DHRS4L2: variants seen among roughly 807,000 people sequenced by gnomAD.
DHRS4L2 encodes the protein dehydrogenase/reductase SDR family member 4-like 2.
Under a neutral mutation model 23.9 loss-of-function variants are expected in DHRS4L2, and 22 were observed. The ratio of observed to expected loss-of-function variants is 0.92; its 90% CI spans 0.66 to 1.31. The LOEUF (loss-of-function observed/expected upper bound fraction) is 1.31. Among genes scored for constraint, DHRS4L2 ranks in the 40% most tolerant of loss-of-function variants. The pLI, the probability that DHRS4L2 is intolerant of heterozygous loss-of-function variation, is 0.00. For synonymous variants in DHRS4L2, 141 were observed against 123.7 expected (o/e 1.14, Z -0.93); for missense variants, 385 against 303.3 (o/e 1.27, Z -2.00).
chr14:23,997,930 G>C lies in DHRS4L2; in HGVS notation c.408+2797G>C, dbSNP rs945195557. ...CAGTTAACTTTGCCAACATCCATCAGAGGAATCACTATCCATGGCAGCTAT... is the reference window on the plus strand; with the variant it reads ...CAGTTAACTTTGCCAACATCCATCACAGGAATCACTATCCATGGCAGCTAT... On this transcript the variant is annotated intron_variant, in intron 3 of 7. Transcript: ENST00000335125. Among the ~76,000 whole-genome samples the C allele has an allele frequency of 3.3e-5, 5 of 151,746 alleles. 1 individual carries two copies. Among genetic ancestry groups the C allele is most frequent in the African/African-American group, 4.8e-5 (2 of 41,408 alleles).
chr14:23,994,855 C>T (rs2034346294), intron 2 of DHRS4L2, among the ~76,000 whole-genome samples, 177 bp from the exon 3 acceptor site: 1 of 151,684 alleles, frequency 6.6e-6, no homozygotes. Context: ...CGCTGCATGG[C>T]CCAGGCTTCT....
chr14:23,976,685 C>T (rs1345515548), intron 1 of DHRS4L2, among the ~76,000 whole-genome samples: 2 of 151,714 alleles, frequency 1.3e-5, no homozygotes, highest in Non-Finnish European at 2.9e-5. Context: ...TTCACAATAG[C>T]AAAAACTTGG....
upstream of DHRS4L2, among the ~76,000 whole-genome samples, chr14:23,984,587 G>A (rs1329769622): frequency 1.3e-5 from 2 of 151,298 alleles, no homozygotes; most frequent in East Asian, 3.9e-4. Context: ...ACTAGGTCAA[G>A]AGATGGAAAC....
At chr14:23,997,729 T>C (rs1191144527) in intron 3 of DHRS4L2, among the ~76,000 whole-genome samples, 1 of 151,046 alleles carries the variant, frequency 6.6e-6, no homozygotes, top group East Asian at 1.9e-4. Flanking sequence ...TCTTGCTATT[T>C]CCACCACATC....
At chr14:23,993,300 T>C (rs2034306282) in intron 2 of DHRS4L2, among the ~76,000 whole-genome samples, 1 of 151,716 alleles carries the variant, frequency 6.6e-6, no homozygotes, top group Non-Finnish European at 1.5e-5. Context: ...TTAATACCGA[T>C]TTTAAAAGAT....
rs537809342 is a variant in DHRS4L2 at position 24,005,843 on chromosome 14, C to G, written c.*23-43C>G. 3.9e-5 allele frequency: 63 copies of G among 1,608,896 alleles called. No homozygotes were observed. In the Middle Eastern group the frequency reaches 5.0e-4, roughly 13 times the overall value. On this transcript the variant is annotated intron_variant, in intron 7 of 7. Coordinates refer to ENST00000335125, the MANE Select transcript of DHRS4L2 (RefSeq NM_198083.4). ...CGTGTCCCAGGTGAGGGAGGCAGAC[C>G]CGTTTGATTTTTACCTCCTTCCTTG...
intron 1 of DHRS4L2, among the ~76,000 whole-genome samples, chr14:23,973,674 G>C (rs2759424): frequency 1.3e-5 from 2 of 151,570 alleles, no homozygotes; most frequent in Non-Finnish European, 2.9e-5. Context: ...ATAATGGTAA[G>C]GGGATCAGTT....
At chr14:23,972,221 G>A (rs1288950708) in intron 1 of DHRS4L2, among the ~76,000 whole-genome samples, 1 of 152,032 alleles carries the variant, frequency 6.6e-6, no homozygotes, top group Non-Finnish European at 1.5e-5. Flanking sequence ...CAGCGTGTCT[G>A]GAGTTTGTTC....
At chr14:23,999,358 A>AC (rs1411189514) in intron 3 of DHRS4L2, among the ~76,000 whole-genome samples, 5 of 142,164 alleles carry the variant, frequency 3.5e-5, no homozygotes, top group Non-Finnish European at 7.6e-5. Context: ...AAAAAAAAAA[A>AC]AAAAAAAAAA....
rs199947613 is a variant in DHRS4L2, at chr14:23,974,189, T to A, written c.-176+3857T>A. On this transcript the variant is annotated intron_variant, in intron 1 of 5. Transcript: ENST00000534993. ...ACTGAAGGCAGAAATAAACATGGTCTTTGAAACCAATGAGAACAAAGACAC... is the reference window on the plus strand; with the variant it reads ...ACTGAAGGCAGAAATAAACATGGTCATTGAAACCAATGAGAACAAAGACAC... 2.0e-4 allele frequency among the ~76,000 whole-genome samples: 31 copies of A among 151,814 alleles called. 2 individuals carry two copies. The highest frequency in any genetic ancestry group is 3.1e-4 in the Non-Finnish European group (21 of 67,940).
At chr14:23,989,304 C>A (rs538296881) in intron 1 of DHRS4L2, among the ~76,000 whole-genome samples, 2 of 151,826 alleles carry the variant, frequency 1.3e-5, no homozygotes, top group African/African-American at 4.8e-5. Flanking sequence ...CACCTCTGTG[C>A]AGCCCCATCG....
upstream of DHRS4L2, among the ~76,000 whole-genome samples, chr14:23,986,617 CA>C (rs2034147758): frequency 6.6e-6 from 1 of 151,630 alleles, no homozygotes; most frequent in African/African-American, 2.4e-5. Context: ...TCCCAAGCCA[CA>C]ATTCTCTTTT....
At chr14:24,001,596 G>A in intron 6 of DHRS4L2, 79 bp downstream of exon 6, 2 of 1,556,720 alleles carry the variant, frequency 1.3e-6, no homozygotes, top group Non-Finnish European at 8.6e-7. Flanking sequence ...CCCACTACCT[G>A]AGTCCTGAGC....
chr14:23,999,011 A>C (rs1389359283), intron 3 of DHRS4L2, among the ~76,000 whole-genome samples: 2 of 149,668 alleles, frequency 1.3e-5, no homozygotes, highest in Non-Finnish European at 3.0e-5. Flanking sequence ...TTGTAGGGTT[A>C]ATAGTTGGCC....
intron 2 of DHRS4L2, among the ~76,000 whole-genome samples, chr14:23,992,269 G>A (rs1175814324): frequency 3.3e-5 from 5 of 151,468 alleles, no homozygotes; most frequent in Non-Finnish European, 7.4e-5. Flanking sequence ...GTGGCGGCGG[G>A]ACTGGAATAG....
At chr14:23,994,827 A>T (rs549730330) in intron 2 of DHRS4L2, among the ~76,000 whole-genome samples, 4 of 151,740 alleles carry the variant, frequency 2.6e-5, no homozygotes, top group Admixed American at 6.6e-5. Flanking sequence ...TGTTGTTTTT[A>T]ATATAAAGAT....
intron 1 of DHRS4L2, among the ~76,000 whole-genome samples, chr14:23,981,716 G>A (rs1338871119): frequency 1.3e-5 from 2 of 151,878 alleles, no homozygotes; most frequent in Middle Eastern, 3.4e-3. Context: ...TGCAGCAGAA[G>A]AGCAGGGTGA....
rs777644237 is a variant in DHRS4L2 at position 23,990,111 on chromosome 14, C to T, written c.129-71C>T. 1.1e-5 allele frequency: 18 copies of T among 1,591,590 alleles called. No homozygotes were observed. In the East Asian group the frequency reaches 1.6e-4, roughly 14 times the overall value. Reference sequence around the variant, plus strand: ...AGAATTCAAACCCGGGCAGTCTTAACTTCAGAGCCCATGCTGTCGACCTCT... The same window carrying T: ...AGAATTCAAACCCGGGCAGTCTTAATTTCAGAGCCCATGCTGTCGACCTCT... On this transcript the variant is annotated intron_variant, in intron 1 of 7. Coordinates refer to ENST00000335125, the MANE Select transcript of DHRS4L2 (RefSeq NM_198083.4).
At chr14:23,990,112 T>G in intron 1 of DHRS4L2, 70 bp from the exon 2 acceptor site, 2 of 1,592,396 alleles carry the variant, frequency 1.3e-6, no homozygotes, top group Middle Eastern at 1.7e-4. Context: ...CAGTCTTAAC[T>G]TCAGAGCCCA....
Sources: gnomAD v4.1 joint callset for allele counts (sites outside exome capture counted in the v4.1 genomes callset) on GRCh38, gnomAD v4.1.1 for gene constraint, MANE v1.5 for transcripts, NCBI Gene and HGNC (gene_info 2026-07-23, HGNC 2026-07-21) for gene names.